The following OPCML variants were observed in gnomAD, a reference collection of about 807,000 sequenced individuals.
OPCML encodes opioid-binding protein/cell adhesion molecule.
A neutral mutation model predicts 37.8 loss-of-function variants in OPCML; 13 were observed. That is an observed-to-expected ratio of 0.34 (90% CI 0.22 to 0.55). The LOEUF is 0.55. OPCML is among the 20% of genes least tolerant of loss of function. OPCML has a pLI of 0.91. For synonymous variants in OPCML, 176 were observed against 168.8 expected (o/e 1.04, Z -0.33); for missense variants, 341 against 435.6 (o/e 0.78, Z 1.93).
At chr11:132,428,503 G>A (rs749988085) in intron 7 of OPCML, among the ~76,000 whole-genome samples, 1 of 152,142 alleles carries the variant, frequency 6.6e-6, no homozygotes, top group Non-Finnish European at 1.5e-5. Context: ...ATTCTTCAGC[G>A]GAGCTCACAA....
At chr11:132,719,851 C>T (rs1347219828) in intron 2 of OPCML, among the ~76,000 whole-genome samples, 2 of 152,206 alleles carry the variant, frequency 1.3e-5, no homozygotes, top group East Asian at 1.9e-4. Context: ...GCTTGAGCTC[C>T]GAGTGCAAGT....
At position 132,437,267 on chromosome 11, in the gene OPCML, C is replaced by A; in HGVS notation, c.598G>T (p.Asp200Tyr). 1.2e-6 allele frequency: 2 copies of A among 1,614,184 alleles called. No individual in the cohort carries two copies. The highest frequency in any genetic ancestry group is 1.1e-5 in the South Asian group (1 of 91,082). Reference protein sequence around the residue: ...SGEYECSALNDVAAPDVRKVK... With the variant: ...SGEYECSALNYVAAPDVRKVK... ...TTCCGCACATCGGGCGCAGCGACAT[C>A]GTTCAACGCGCTGCATTCGTACTCC... Residue 200 changes from aspartate (D) to tyrosine (Y), a missense_variant, in exon 5 of 8, where the codon GAT becomes TAT. Asp to Tyr is a radical substitution (Grantham distance 160). Coordinates refer to ENST00000524381, the MANE Select transcript of OPCML (RefSeq NM_001012393.5).
At chr11:133,287,833 T>C (rs1314906331) in intron 1 of OPCML, among the ~76,000 whole-genome samples, 4 of 152,166 alleles carry the variant, frequency 2.6e-5, no homozygotes, top group Admixed American at 2.6e-4. Context: ...GAGGAAACTG[T>C]CAGAGCCCAA....
chr11:133,092,042 G>A (rs1220466371), intron 1 of OPCML, among the ~76,000 whole-genome samples: 2 of 152,158 alleles, frequency 1.3e-5, no homozygotes, highest in Non-Finnish European at 2.9e-5. Flanking sequence ...TAGGTCATGA[G>A]GGTGCAGCCC....
At chr11:133,420,603 A>G (rs909310245) in intron 1 of OPCML, 40 of 985,056 alleles carry the variant, frequency 4.1e-5, no homozygotes, top group Non-Finnish European at 4.8e-5. Flanking sequence ...ATTATTTATC[A>G]CTATCTGTGG....
chr11:132,916,903 T>G (rs1276654971), intron 2 of OPCML, among the ~76,000 whole-genome samples: 8 of 152,146 alleles, frequency 5.3e-5, no homozygotes, highest in Admixed American at 5.2e-4. Flanking sequence ...AAGTAGGAAA[T>G]TAAACTTTCA....
chr11:133,525,562 C>A (rs535339069), intron 1 of OPCML, among the ~76,000 whole-genome samples: 1 of 152,354 alleles, frequency 6.6e-6, no homozygotes, highest in South Asian at 2.1e-4. Flanking sequence ...GACATCTACA[C>A]TGCCTACCTC....
At chr11:132,582,829 T>C (rs2096464770) in intron 3 of OPCML, among the ~76,000 whole-genome samples, 2 of 147,560 alleles carry the variant, frequency 1.4e-5, no homozygotes, top group Admixed American at 7.1e-5. Context: ...GTCTTCAGAG[T>C]TGTTTTTTTG....
intron 2 of OPCML, among the ~76,000 whole-genome samples, chr11:132,802,055 C>T (rs931549282): frequency 1.3e-5 from 2 of 152,156 alleles, no homozygotes; most frequent in Non-Finnish European, 2.9e-5. Context: ...CACCAACAGT[C>T]ATGAAGTTCA....
intron 1 of OPCML, chr11:133,003,965 G>C (rs1947058496): frequency 3.0e-6 from 3 of 985,342 alleles, no homozygotes; most frequent in Non-Finnish European, 3.6e-6. Flanking sequence ...CCCGTGGGCA[G>C]CAGATCCCTC....
chr11:133,007,902 T>C, intron 1 of OPCML: 2 of 985,470 alleles, frequency 2.0e-6, no homozygotes, highest in Non-Finnish European at 2.4e-6. Context: ...CTTGGATATG[T>C]TGTCCTGCAT....
At chr11:132,908,322 A>G (rs563009013) in intron 2 of OPCML, among the ~76,000 whole-genome samples, 3 of 152,338 alleles carry the variant, frequency 2.0e-5, no homozygotes, top group African/African-American at 4.8e-5. Flanking sequence ...ACGTGCACAC[A>G]TAGGTACACA....
chr11:132,617,200 A>C (rs1170866096), intron 3 of OPCML, among the ~76,000 whole-genome samples: 1 of 152,216 alleles, frequency 6.6e-6, no homozygotes, highest in Non-Finnish European at 1.5e-5. Context: ...CTTGAATGTC[A>C]ATTGTATTTA....
chr11:132,533,964 T>C (rs2096333312), intron 3 of OPCML, among the ~76,000 whole-genome samples: 1 of 152,216 alleles, frequency 6.6e-6, no homozygotes. Context: ...ATTCCTATTA[T>C]ACACACAATG....
At chr11:133,118,429 C>A (rs1006201346) in intron 1 of OPCML, 1 of 985,074 alleles carries the variant, frequency 1.0e-6, no homozygotes, top group Non-Finnish European at 1.2e-6. Flanking sequence ...GGAGTTTACA[C>A]AATGGTCCTG....
At chr11:132,450,124 G>C (rs1345706773) in intron 4 of OPCML, among the ~76,000 whole-genome samples, 1 of 152,196 alleles carries the variant, frequency 6.6e-6, no homozygotes, top group Non-Finnish European at 1.5e-5. Context: ...AGGGGAGACA[G>C]ACCCCTGCCT....
At chr11:132,974,558 T>G (rs1201239796) in intron 1 of OPCML, among the ~76,000 whole-genome samples, 1 of 151,970 alleles carries the variant, frequency 6.6e-6, no homozygotes. Context: ...TTGGTGGGAG[T>G]GTAAATTAGT....
intron 1 of OPCML, among the ~76,000 whole-genome samples, chr11:133,483,323 T>TAGAC (rs1947420623): frequency 2.6e-5 from 4 of 151,654 alleles, no homozygotes; most frequent in African/African-American, 9.7e-5. Flanking sequence ...GATAGATAGA[T>TAGAC]AGATAGATAG....
intron 4 of OPCML, among the ~76,000 whole-genome samples, chr11:132,523,636 A>G (rs2096300189): frequency 6.6e-6 from 1 of 152,176 alleles, no homozygotes; most frequent in Non-Finnish European, 1.5e-5. Flanking sequence ...AGACACAAGA[A>G]TTTAAACAGT....
Sources: allele counts gnomAD v4.1 joint callset (sites outside exome capture counted in the v4.1 genomes callset), GRCh38; gene constraint gnomAD v4.1.1; transcripts MANE v1.5; gene names NCBI Gene and HGNC (gene_info 2026-07-23, HGNC 2026-07-21).